SLC39A11: variants seen among roughly 807,000 people sequenced by gnomAD.
SLC39A11 encodes solute carrier family 39 member 11, also known as zinc transporter ZIP11.
Under a neutral mutation model 36.1 loss-of-function variants are expected in SLC39A11, and 33 were observed. The ratio of observed to expected loss-of-function variants is 0.91; its 90% confidence interval spans 0.69 to 1.22. The LOEUF (loss-of-function observed/expected upper bound fraction) is 1.22. SLC39A11 is among the 50% of genes most tolerant of loss of function. The pLI, the probability that SLC39A11 is intolerant of heterozygous loss-of-function variation, is 0.00. For synonymous variants in SLC39A11, 166 were observed against 170.3 expected (o/e 0.97, Z 0.20); for missense variants, 432 against 430.3 (o/e 1.00, Z -0.03).
Position 72,890,785 on chromosome 17 carries a change from A to G in SLC39A11, c.431-40981T>C, listed in dbSNP as rs762265214. Among the ~76,000 whole-genome samples the G allele has an allele frequency of 1.1e-4, 16 of 152,302 alleles. No homozygotes were observed. The South Asian group carries it at 1.9e-3, about 18-fold the overall frequency. ...GGGTGAGATTCCAGGAGAGAATGCC[A>G]GGAAAAAGTGGACTGCTGATGAAAT... On this transcript the variant is annotated intron_variant, in intron 5 of 9. Transcript: ENST00000255559.
intron 5 of SLC39A11, among the ~76,000 whole-genome samples, chr17:72,877,837 A>G (rs1366773199): frequency 6.6e-6 from 1 of 151,036 alleles, no homozygotes; most frequent in East Asian, 1.9e-4. Flanking sequence ...TTATTATTAT[A>G]CTTTAAGTTT....
intron 5 of SLC39A11, among the ~76,000 whole-genome samples, chr17:72,885,375 ACT>A (rs1386258359): frequency 3.9e-5 from 6 of 152,000 alleles, no homozygotes; most frequent in Non-Finnish European, 8.8e-5. Context: ...ATTTTTTACA[ACT>A]CTCTAATCCT....
At chr17:72,974,167 C>G (rs1008102856) in intron 4 of SLC39A11, among the ~76,000 whole-genome samples, 2 of 152,162 alleles carry the variant, frequency 1.3e-5, no homozygotes, top group Non-Finnish European at 2.9e-5. Flanking sequence ...GTGGCGCGAT[C>G]TGGCTCACCG....
chr17:72,922,960 C>CAAAAA (rs10645750), intron 5 of SLC39A11, among the ~76,000 whole-genome samples: 544 of 43,932 alleles, frequency 0.012, 2 homozygotes, highest in East Asian at 0.019. Context: ...GACTCCTTCT[C>CAAAAA]AAAAAAAAAA....
At chr17:72,851,502 GTTAAA>G (rs1475519139) in intron 5 of SLC39A11, among the ~76,000 whole-genome samples, 1 of 152,348 alleles carries the variant, frequency 6.6e-6, no homozygotes, top group Non-Finnish European at 1.5e-5. Context: ...TCAGGTGTCT[GTTAAA>G]TTAAATAAGC....
chr17:72,946,711 T>C (rs1355657292), intron 5 of SLC39A11, among the ~76,000 whole-genome samples: 1 of 152,096 alleles, frequency 6.6e-6, no homozygotes, highest in Non-Finnish European at 1.5e-5. Flanking sequence ...AACTTCTATA[T>C]AAATCCAAAG....
At chr17:72,777,253 C>T (rs913527936) in intron 6 of SLC39A11, among the ~76,000 whole-genome samples, 2 of 152,150 alleles carry the variant, frequency 1.3e-5, no homozygotes, top group Non-Finnish European at 2.9e-5. Context: ...TTTAGCCTGC[C>T]AGGTCAAAGG....
At chr17:73,045,506 C>G (rs1016940260) in intron 3 of SLC39A11, among the ~76,000 whole-genome samples, 2 of 150,710 alleles carry the variant, frequency 1.3e-5, no homozygotes, top group African/African-American at 4.9e-5. Flanking sequence ...TAAGCAACTA[C>G]CATGAGTGAG....
intron 5 of SLC39A11, among the ~76,000 whole-genome samples, chr17:72,854,864 A>ATC (rs1429798949): frequency 6.6e-6 from 1 of 152,182 alleles, no homozygotes; most frequent in African/African-American, 2.4e-5. Context: ...TCACCAGGTG[A>ATC]TCTTTTCTGA....
chr17:72,768,559 G>C (rs1275129106), intron 6 of SLC39A11, among the ~76,000 whole-genome samples: 1 of 152,086 alleles, frequency 6.6e-6, no homozygotes, highest in Non-Finnish European at 1.5e-5. Context: ...GTACATATGA[G>C]GCAGGAACCG....
intron 6 of SLC39A11, among the ~76,000 whole-genome samples, chr17:72,848,363 A>G (rs551947153): frequency 1.3e-5 from 2 of 152,364 alleles, no homozygotes; most frequent in African/African-American, 4.8e-5. Context: ...GCTCTAAAAG[A>G]AACATTCATT....
chr17:72,784,277 A>C (rs1026738591), intron 6 of SLC39A11, among the ~76,000 whole-genome samples: 2 of 152,132 alleles, frequency 1.3e-5, no homozygotes, highest in Non-Finnish European at 2.9e-5. Flanking sequence ...CCCGGGAGGC[A>C]TAGGTTGCCG....
intron 7 of SLC39A11, among the ~76,000 whole-genome samples, chr17:72,688,292 G>A (rs901229551): frequency 1.3e-5 from 2 of 152,240 alleles, no homozygotes; most frequent in African/African-American, 4.8e-5. Flanking sequence ...GGAGCTAGAA[G>A]CTGGTGCCAG....
chr17:72,785,047 T>C (rs1336952092), intron 6 of SLC39A11, among the ~76,000 whole-genome samples: 1 of 152,004 alleles, frequency 6.6e-6, no homozygotes, highest in Admixed American at 6.6e-5. Flanking sequence ...TTTGTATTTT[T>C]AGTAGAGATG....
At chr17:73,008,308 T>C (rs1191722451) in intron 4 of SLC39A11, among the ~76,000 whole-genome samples, 1 of 152,072 alleles carries the variant, frequency 6.6e-6, no homozygotes, top group East Asian at 1.9e-4. Flanking sequence ...AAACATATTT[T>C]TAATAAGATT....
At chr17:73,003,851 T>G (rs1350087329) in intron 4 of SLC39A11, among the ~76,000 whole-genome samples, 1 of 152,094 alleles carries the variant, frequency 6.6e-6, no homozygotes, top group Non-Finnish European at 1.5e-5. Flanking sequence ...TTTGGGAGGC[T>G]GAAGCGGGTG....
chr17:72,940,270 C>T (rs2085018797), intron 5 of SLC39A11, among the ~76,000 whole-genome samples: 1 of 133,582 alleles, frequency 7.5e-6, no homozygotes, highest in African/African-American at 2.6e-5. Context: ...GACTTAGAGC[C>T]ATCTGACTTT....
intron 6 of SLC39A11, among the ~76,000 whole-genome samples, chr17:72,798,759 C>T (rs949863704): frequency 4.6e-5 from 7 of 152,056 alleles, no homozygotes; most frequent in Non-Finnish European, 1.0e-4. Flanking sequence ...ACCTAATCAC[C>T]TCCCAAAGGC....
chr17:72,919,748 G>A lies in SLC39A11; in HGVS notation c.430+28004C>T, dbSNP rs374106999. Among the ~76,000 whole-genome samples, 403 of 150,876 alleles carry A rather than the reference G, an allele frequency of 2.7e-3. 4 individuals are homozygous for A. The highest frequency in any genetic ancestry group is 0.01 in the Middle Eastern group (3 of 290). On this transcript the variant is annotated intron_variant, in intron 5 of 9. Transcript: ENST00000255559. ...ACCCTCTGCCTGTGATGATGACCCC[G>A]CGTGGGGTGGAGACAGAGCTGCCAG...
Sources: allele counts gnomAD v4.1 joint callset (sites outside exome capture counted in the v4.1 genomes callset), GRCh38; gene constraint gnomAD v4.1.1; transcripts MANE v1.5; gene names NCBI Gene and HGNC (gene_info 2026-07-23, HGNC 2026-07-21).